KMT2C: variants seen among roughly 807,000 people sequenced by gnomAD.
KMT2C encodes histone-lysine N-methyltransferase 2C.
KMT2C carries 88 observed loss-of-function variants against 507.9 expected under a neutral mutation model. That is an observed-to-expected ratio of 0.17 (90% CI 0.15 to 0.21). KMT2C has a LOEUF of 0.21. Among genes scored for constraint, KMT2C ranks in the 10% least tolerant of loss-of-function variants. The pLI, the probability that KMT2C is intolerant of heterozygous loss-of-function variation, is 1.00. For missense variants in KMT2C, 4,954 were observed against 5,957.8 expected, an observed-to-expected ratio of 0.83 and a Z score of 5.55; for synonymous variants, 2,049 against 2,080.8, an observed-to-expected ratio of 0.98 and a Z score of 0.42.
chr7:152,285,088 C>T (rs371473401), intron 6 of KMT2C, among the ~76,000 whole-genome samples: 5 of 152,206 alleles, frequency 3.3e-5, no homozygotes, highest in South Asian at 2.1e-4. Context: ...ACATCCACAA[C>T]GAAGCATGTT....
At chr7:152,297,823 A>G (rs2096530269) in intron 6 of KMT2C, among the ~76,000 whole-genome samples, 1 of 152,248 alleles carries the variant, frequency 6.6e-6, no homozygotes, top group Non-Finnish European at 1.5e-5. Flanking sequence ...GCAGACAATC[A>G]TGATGCAAAC....
At chr7:152,348,960 T>G (rs1163570754) in intron 2 of KMT2C, among the ~76,000 whole-genome samples, 2 of 152,172 alleles carry the variant, frequency 1.3e-5, no homozygotes, top group Non-Finnish European at 2.9e-5. Context: ...CTGCTTGGTA[T>G]TTATCCAAAT....
At chr7:152,219,055 C>T (rs1476427907) in intron 23 of KMT2C, among the ~76,000 whole-genome samples, 16 of 151,850 alleles carry the variant, frequency 1.1e-4, no homozygotes, top group Non-Finnish European at 1.6e-4. Flanking sequence ...CTGTAACCTC[C>T]GCCTCCCAGG....
Position 152,182,286 on chromosome 7 carries a change from G to C in KMT2C, c.5574C>G (p.Ala1858=), listed in dbSNP as rs930322557. ...VKPQAPPPPP[A]PSRIPIQDSL... ...TATCCTGGATGGGAATCCGGGATGG[G>C]GCTGGAGGAGGAGGTGGAGCTTGTG... The change falls in exon 36 of 59, where the codon GCC becomes GCG. Residue 1858 remains alanine, a synonymous_variant. Transcript: ENST00000262189. 8.7e-6 allele frequency: 14 copies of C among 1,614,018 alleles called. No individual in the cohort carries two copies. The highest frequency in any genetic ancestry group is 1.0e-5 in the Non-Finnish European group (12 of 1,180,012).
At chr7:152,205,991 G>C (rs2129137736) in intron 24 of KMT2C, among the ~76,000 whole-genome samples, 1 of 152,238 alleles carries the variant, frequency 6.6e-6, no homozygotes, top group African/African-American at 2.4e-5. Flanking sequence ...TTATACATGG[G>C]ACACATAGAG....
At chr7:152,225,314 T>C (rs2094893696) in intron 18 of KMT2C, among the ~76,000 whole-genome samples, 1 of 152,024 alleles carries the variant, frequency 6.6e-6, no homozygotes, top group Non-Finnish European at 1.5e-5. Context: ...CAGCAAGTAA[T>C]GAGGGTACAG....
Position 152,176,374 on chromosome 7 carries a change from C to T in KMT2C, c.9079G>A (p.Gly3027Arg), listed in dbSNP as rs2129112933. Residue 3027 changes from glycine to arginine, a missense_variant, in exon 38 of 59, where the codon GGA becomes AGA. By Grantham distance (125) the Gly-to-Arg change is moderately radical (BLOSUM62 -2). Transcript: ENST00000262189. ...TSQSGTSSMS[G>R]PQQLMIPQTL... ...TGAGGAATCATTAGCTGTTGGGGTC[C>T]AGACATGCTACTGGTACCAGACTGA... 2 of 1,614,106 alleles carry T rather than the reference C, an allele frequency of 1.2e-6. No homozygotes were observed. The highest frequency in any genetic ancestry group is 1.7e-6 in the Non-Finnish European group (2 of 1,180,006).
intron 23 of KMT2C, among the ~76,000 whole-genome samples, chr7:152,219,698 T>A (rs2094705100): frequency 1.3e-5 from 2 of 152,214 alleles, no homozygotes; most frequent in South Asian, 4.1e-4. Flanking sequence ...CCAACAGTAA[T>A]CCTCTTTAAC....
At chr7:152,421,839 G>A (rs907442090) in intron 1 of KMT2C, among the ~76,000 whole-genome samples, 7 of 152,036 alleles carry the variant, frequency 4.6e-5, no homozygotes, top group African/African-American at 1.7e-4. Context: ...TCAGCGACAC[G>A]CAATGTGCCC....
At chr7:152,178,982 A>G (rs1438248696) in intron 37 of KMT2C, among the ~76,000 whole-genome samples, 1 of 151,928 alleles carries the variant, frequency 6.6e-6, no homozygotes, top group Non-Finnish European at 1.5e-5. Flanking sequence ...GAAATCTCTA[A>G]AATTTATTAT....
At chr7:152,291,834 A>G (rs2096431912) in intron 6 of KMT2C, among the ~76,000 whole-genome samples, 2 of 152,276 alleles carry the variant, frequency 1.3e-5, no homozygotes. Context: ...TGAAAGGCTA[A>G]TAGTCTTTTT....
At chr7:152,323,802 AG>A (rs1236496552) in intron 3 of KMT2C, among the ~76,000 whole-genome samples, 1 of 66,516 alleles carries the variant, frequency 1.5e-5, no homozygotes, top group African/African-American at 5.6e-5. Context: ...GAAGGGAGGC[AG>A]GGAGGGGAGG....
In KMT2C at chr7:152,179,945, C is replaced by T. The variant is rs1218417448; in HGVS notation, c.7331G>A (p.Arg2444Lys). Residue 2444 changes from arginine to lysine, a missense_variant, in exon 37 of 59, where the codon AGG (arginine) becomes AAG (lysine). Transcript: ENST00000262189. ...TCCTAAAGGAGGGGCAACAGGAGACCTAATGTTCCCAGGATAGGGAGGTGG... is the reference window on the plus strand; with the variant it reads ...TCCTAAAGGAGGGGCAACAGGAGACTTAATGTTCCCAGGATAGGGAGGTGG... ...RPPPPYPGNI[R>K]SPVAPPLGPR... 6.2e-7 allele frequency: 1 copy of T among 1,614,062 alleles called. No individual in the cohort carries two copies. Among genetic ancestry groups the T allele is most frequent in the South Asian group, 1.1e-5 (1 of 91,062 alleles).
At chr7:152,378,533 C>CATA (rs1473037337) in intron 1 of KMT2C, among the ~76,000 whole-genome samples, 32 of 152,158 alleles carry the variant, frequency 2.1e-4, no homozygotes, top group African/African-American at 7.5e-4. Flanking sequence ...AGAATATAAA[C>CATA]ATAATATTTA....
intron 40 of KMT2C, 67 bp downstream of exon 40, chr7:152,171,197 A>G (rs1587895140): frequency 9.3e-7 from 1 of 1,076,516 alleles, no homozygotes; most frequent in East Asian, 2.6e-5. Context: ...GACTTACTCT[A>G]AAGCATGAGT....
chr7:152,311,826 A>G lies in KMT2C; in HGVS notation c.711T>C (p.Ile237=). The change falls in exon 5 of 59, where the codon ATT becomes ATC. Residue 237 remains isoleucine (I), a synonymous_variant. Transcript: ENST00000262189. ...TAGAATCAAATAAGGCTTGGATATC[A>G]ATGGCATCTGGAAGCCCAACCAGAC... ...ELSLVGLPDA[I]DIQALFDSTG... 6.2e-7 allele frequency: 1 copy of G among 1,611,206 alleles called. No individual in the cohort carries two copies. The highest frequency in any genetic ancestry group is 8.5e-7 in the Non-Finnish European group (1 of 1,177,896).
At chr7:152,145,010 G>T in intron 54 of KMT2C, 129 bp from the exon 55 acceptor site, 1 of 1,357,762 alleles carries the variant, frequency 7.4e-7, no homozygotes, top group Non-Finnish European at 1.0e-6. Context: ...GCCTAGCAGA[G>T]ACACACGGCG....
In KMT2C at chr7:152,255,157, ATGTG is replaced by A. The variant is rs112731121; in HGVS notation, c.1300-2446_1300-2443del. Among the ~76,000 whole-genome samples, 233 of 128,372 alleles carry A rather than the reference ATGTG, an allele frequency of 1.8e-3. 4 individuals carry two copies. Among genetic ancestry groups the A allele is most frequent in the Middle Eastern group, 0.012 (3 of 258 alleles). The allele number at this position is 128,372 out of a possible 152,430, so 84.2% of individuals were successfully genotyped here. Reference sequence around the variant, plus strand: ...TATATATATATATACATATATATATATGTGTGTGTGTGTGTGTGTGTGTTTTGGA... The same window carrying A: ...TATATATATATATACATATATATATATGTGTGTGTGTGTGTGTGTTTTGGA... On this transcript the variant is annotated intron_variant, in intron 9 of 58. Coordinates refer to ENST00000262189, the MANE Select transcript of KMT2C (RefSeq NM_170606.3).
chr7:152,385,945 T>A (rs897585516), intron 1 of KMT2C, among the ~76,000 whole-genome samples: 1 of 151,370 alleles, frequency 6.6e-6, no homozygotes, highest in African/African-American at 2.4e-5. Context: ...AAAATTAGCC[T>A]GGCGTGGTAG....
Sources: gnomAD v4.1 joint callset for allele counts (sites outside exome capture counted in the v4.1 genomes callset) on GRCh38, gnomAD v4.1.1 for gene constraint, MANE v1.5 for transcripts, NCBI Gene and HGNC (gene_info 2026-07-23, HGNC 2026-07-21) for gene names.